Variants in CHRDL1 observed in about 807,000 individuals in gnomAD.
CHRDL1 encodes the protein chordin like 1, also known as chordin-like protein 1.
In CHRDL1, 19 loss-of-function variants were observed where a neutral mutation model predicts 40.9. The ratio of observed to expected loss-of-function variants is 0.46; its 90% CI spans 0.32 to 0.68. The LOEUF (loss-of-function observed/expected upper bound fraction) is 0.68. Ranked by LOEUF, CHRDL1 falls within the 30% of genes least tolerant of loss-of-function variation. CHRDL1 has a pLI of 0.03. For missense variants in CHRDL1, 329 were observed against 352.1 expected, an observed-to-expected ratio of 0.93 and a Z score of 0.53; for synonymous variants, 136 against 123.4, an observed-to-expected ratio of 1.10 and a Z score of -0.68.
At chrX:110,698,182 C>T (rs2070439645) in intron 7 of CHRDL1, among the ~76,000 whole-genome samples, 1 of 111,298 alleles carries the variant, frequency 9.0e-6, no homozygotes, top group African/African-American at 3.3e-5. Context: ...TCTTCTTGCC[C>T]TGAGGAAGTT....
intron 11 of CHRDL1, 109 bp from the exon 12 acceptor site, chrX:110,676,470 C>T (rs2069780692): frequency 7.2e-6 from 5 of 698,788 alleles, no homozygotes; most frequent in Non-Finnish European, 1.0e-5. Context: ...CATGGACCTA[C>T]CAGGGAATTT....
chrX:110,689,905 C>CTA (rs1556332362), intron 8 of CHRDL1, among the ~76,000 whole-genome samples: 2 of 12,580 alleles, frequency 1.6e-4, no homozygotes, highest in Non-Finnish European at 2.6e-4. Flanking sequence ...CTATATATAT[C>CTA]TATATATCTA....
intron 4 of CHRDL1, among the ~76,000 whole-genome samples, chrX:110,743,237 G>A (rs2071392093): frequency 8.9e-6 from 1 of 112,582 alleles, no homozygotes; most frequent in African/African-American, 3.2e-5. Context: ...AGAGAACACA[G>A]AACTTCCCTT....
intron 4 of CHRDL1, among the ~76,000 whole-genome samples, chrX:110,745,962 C>T (rs933688222): frequency 1.8e-5 from 2 of 112,157 alleles, no homozygotes; most frequent in South Asian, 3.7e-4. Context: ...TTGTGTGGGA[C>T]ACTTCTTCCA....
chrX:110,748,739 A>G (rs2089300823), intron 4 of CHRDL1, among the ~76,000 whole-genome samples: 1 of 112,560 alleles, frequency 8.9e-6, no homozygotes, highest in African/African-American at 3.2e-5. Context: ...CCATCACAAA[A>G]GGATAAATAC....
At chrX:110,679,231 C>A in intron 11 of CHRDL1, 105 bp downstream of exon 11, 1 of 566,809 alleles carries the variant, frequency 1.8e-6, no homozygotes, top group Non-Finnish European at 3.1e-6. Context: ...TGATACTGAG[C>A]AGTGCTAATG....
intron 11 of CHRDL1, among the ~76,000 whole-genome samples, chrX:110,677,048 G>A (rs1036507033): frequency 9.0e-6 from 1 of 110,527 alleles, no homozygotes; most frequent in Non-Finnish European, 1.9e-5. Flanking sequence ...TGCCCACCCT[G>A]GATACTGTGT....
intron 4 of CHRDL1, among the ~76,000 whole-genome samples, chrX:110,747,045 CT>C (rs776134288): frequency 5.5e-4 from 61 of 110,608 alleles, no homozygotes; most frequent in African/African-American, 2.0e-3. Flanking sequence ...TTGGCCCCCC[CT>C]GCCTTCCTCC....
At chrX:110,740,404 G>A (rs774566632) in intron 4 of CHRDL1, among the ~76,000 whole-genome samples, 2 of 112,338 alleles carry the variant, frequency 1.8e-5, no homozygotes, top group East Asian at 5.6e-4. Context: ...CTGGCCAAAA[G>A]TCTTAAACAG....
At chrX:110,786,958 A>T (rs2148537153) in intron 2 of CHRDL1, among the ~76,000 whole-genome samples, 1 of 111,972 alleles carries the variant, frequency 8.9e-6, no homozygotes, top group South Asian at 3.8e-4. Context: ...GACTTCCTCA[A>T]AGAATTCCAA....
At chrX:110,784,672 A>G (rs762487747) in intron 2 of CHRDL1, among the ~76,000 whole-genome samples, 1 of 111,319 alleles carries the variant, frequency 9.0e-6, no homozygotes, top group Non-Finnish European at 1.9e-5. Flanking sequence ...TGGGCCTCCC[A>G]CAGCATGGCC....
rs1303463993 is a variant in CHRDL1 at position 110,689,915 on chromosome X, ATATATATC to A, written c.779-1120_779-1113del. Among the ~76,000 whole-genome samples the A allele has an allele frequency of 2.5e-3, 51 of 20,712 alleles. 5 individuals are homozygous for A. Among genetic ancestry groups the A allele is most frequent in the African/African-American group, 0.02 (34 of 1,735 alleles). 18.0% of individuals were successfully genotyped at this position (20,712 alleles called of 115,157 possible). A position where few individuals can be genotyped will look rare whatever the true frequency, so the allele number is the denominator to read the frequency against. ...TATATCTATATATATCTATATATCT[ATATATATC>A]TATATATCTATATATATCTATATAT... On this transcript the variant is annotated intron_variant, in intron 8 of 11. Coordinates refer to ENST00000372042, the MANE Select transcript of CHRDL1 (RefSeq NM_001143981.2).
intron 6 of CHRDL1, among the ~76,000 whole-genome samples, chrX:110,704,300 A>T (rs1304372440): frequency 8.9e-6 from 1 of 111,753 alleles, no homozygotes; most frequent in East Asian, 2.8e-4. Context: ...AATTGTAAAA[A>T]GTAAACAGTA....
At chrX:110,717,036 T>C (rs197027) in intron 6 of CHRDL1, among the ~76,000 whole-genome samples, 8,343 of 111,507 alleles carry the variant, frequency 0.075, 780 homozygotes, top group African/African-American at 0.26. Flanking sequence ...TTTAATGTGC[T>C]CAATTTAAGT....
chrX:110,701,576 G>C (rs775586805), intron 6 of CHRDL1, among the ~76,000 whole-genome samples: 1 of 111,856 alleles, frequency 8.9e-6, no homozygotes, highest in Non-Finnish European at 1.9e-5. Flanking sequence ...CACTCTGGGA[G>C]GCCGAAGTAG....
In CHRDL1 at chrX:110,721,032, T is replaced by G. The variant is rs1054915123; in HGVS notation, c.447+353A>C. Among the ~76,000 whole-genome samples the G allele has an allele frequency of 7.1e-5, 8 of 112,064 alleles. No individual in the cohort carries two copies. In the Admixed American group the frequency reaches 7.6e-4, roughly 11 times the overall value. ...GGCCCTAGATAGTCAAAGTGACTTT[T>G]CCACCCATAGCATTCCCAAAGCTTC... On this transcript the variant is annotated intron_variant, in intron 5 of 11. Coordinates refer to ENST00000372042, the MANE Select transcript of CHRDL1 (RefSeq NM_001143981.2).
At chrX:110,794,723 T>A (rs990929902) in intron 1 of CHRDL1, among the ~76,000 whole-genome samples, 2 of 111,917 alleles carry the variant, frequency 1.8e-5, no homozygotes, top group Admixed American at 1.9e-4. Flanking sequence ...CAAAGAGACA[T>A]CCCCACAGGA....
intron 6 of CHRDL1, among the ~76,000 whole-genome samples, chrX:110,714,897 A>G (rs1195813152): frequency 1.8e-5 from 2 of 111,947 alleles, no homozygotes; most frequent in Non-Finnish European, 3.8e-5. Flanking sequence ...TATAAGATAC[A>G]GTATTGTAAA....
rs367906057 is a variant in CHRDL1, at chrX:110,719,795, G to T, written c.541+40C>A. The T allele has an allele frequency of 1.2e-5, 11 of 898,809 alleles. No individual in the cohort carries two copies. In the African/African-American group the frequency reaches 1.6e-4, roughly 13 times the overall value. The allele number at this position is 898,809 out of a possible 1,213,427, so 74.1% of individuals were successfully genotyped here. On this transcript the variant is annotated intron_variant, in intron 6 of 11. Transcript: ENST00000372042. ...CTCCTTTCTAAATTCTACTACACAG[G>T]ATAGCAGCACCCAGGGGTCTTGGGA...
Sources: allele counts gnomAD v4.1 joint callset (sites outside exome capture counted in the v4.1 genomes callset), GRCh38; gene constraint gnomAD v4.1.1; transcripts MANE v1.5; gene names NCBI Gene and HGNC (gene_info 2026-07-23, HGNC 2026-07-21).